The following LMOD1 variants were observed in gnomAD, a reference collection of about 807,000 sequenced individuals.
The protein encoded by LMOD1 is leiomodin 1, also known as leiomodin-1.
LMOD1 carries 8 observed loss-of-function variants against 36.5 expected under a neutral mutation model. The observed-to-expected ratio is 0.22, with a 90% CI of 0.13 to 0.40. LMOD1 has a LOEUF of 0.40. LMOD1 is among the 10% of genes least tolerant of loss of function. The pLI, the probability that LMOD1 is intolerant of heterozygous loss-of-function variation, is 1.00. For synonymous variants in LMOD1, 284 were observed against 288.7 expected (o/e 0.98, Z 0.17); for missense variants, 630 against 751.1 (o/e 0.84, Z 1.88).
intron 1 of LMOD1, among the ~76,000 whole-genome samples, chr1:201,944,206 C>T (rs886199135): frequency 1.3e-5 from 2 of 152,150 alleles, no homozygotes; most frequent in African/African-American, 4.8e-5. Context: ...GGGCTCTGTC[C>T]GCAGAACCAA....
At chr1:201,933,527 C>CTA (rs1229580960) in intron 1 of LMOD1, among the ~76,000 whole-genome samples, 38 of 126,242 alleles carry the variant, frequency 3.0e-4, no homozygotes, top group African/African-American at 9.9e-4. Context: ...CTCTCTCTCT[C>CTA]TCTCTATATA....
chr1:201,913,139 C>T (rs1391142409), intron 1 of LMOD1, among the ~76,000 whole-genome samples: 1 of 152,106 alleles, frequency 6.6e-6, no homozygotes, highest in Admixed American at 6.5e-5. Context: ...GGACTGACAG[C>T]CATTTTATTG....
chr1:201,921,682 CG>C (rs1213749554), intron 1 of LMOD1, among the ~76,000 whole-genome samples: 10 of 151,246 alleles, frequency 6.6e-5, no homozygotes, highest in Non-Finnish European at 1.5e-4. Context: ...GCATTATGGC[CG>C]GATGCAGTGG....
Position 201,946,354 on chromosome 1 carries a change from G to A in LMOD1, c.-14C>T, listed in dbSNP as rs2102935176. 6.2e-7 allele frequency: 1 copy of A among 1,611,472 alleles called. No homozygotes were observed. ...TACTCTAGACATCTTGGCAAAATGGGCTGTGGCTGCCAGGGGCTATCAGAG... is the reference window on the plus strand; with the variant it reads ...TACTCTAGACATCTTGGCAAAATGGACTGTGGCTGCCAGGGGCTATCAGAG... On this transcript the variant is annotated 5_prime_UTR_variant, in exon 1 of 3. Coordinates refer to ENST00000367288, the MANE Select transcript of LMOD1 (RefSeq NM_012134.3).
chr1:201,945,118 C>T (rs937082540), intron 1 of LMOD1, among the ~76,000 whole-genome samples: 2 of 152,194 alleles, frequency 1.3e-5, no homozygotes, highest in African/African-American at 4.8e-5. Flanking sequence ...TCCTATGCAA[C>T]ACTCTTTCCC....
intron 1 of LMOD1, among the ~76,000 whole-genome samples, chr1:201,940,499 T>C (rs1422362035): frequency 2.0e-5 from 3 of 151,832 alleles, no homozygotes; most frequent in East Asian, 1.9e-4. Flanking sequence ...CAAGCTCTTA[T>C]ACCTACTGTC....
intron 1 of LMOD1, among the ~76,000 whole-genome samples, chr1:201,901,547 T>C (rs182899273): frequency 0.49 from 21,517 of 43,742 alleles, 5,244 homozygotes; most frequent in South Asian, 0.53. Context: ...TATATATATA[T>C]ATATACATAT....
At chr1:201,917,246 C>T (rs190684980) in intron 1 of LMOD1, among the ~76,000 whole-genome samples, 5 of 152,242 alleles carry the variant, frequency 3.3e-5, no homozygotes, top group African/African-American at 1.2e-4. Flanking sequence ...GGTGGCCTGA[C>T]CTCAAAAGCC....
chr1:201,902,229 T>A (rs1299516451), intron 1 of LMOD1, among the ~76,000 whole-genome samples: 1 of 152,098 alleles, frequency 6.6e-6, no homozygotes, highest in African/African-American at 2.4e-5. Context: ...ATTCACAGTA[T>A]TGTCCTTATT....
intron 1 of LMOD1, among the ~76,000 whole-genome samples, chr1:201,901,519 T>TATATATATATATGTATATATATATAC (rs1681302710): frequency 7.7e-5 from 5 of 65,070 alleles, no homozygotes; most frequent in Non-Finnish European, 2.7e-5. Context: ...AAAATATATA[T>TATATATATATATGTATATATATATAC]ATATATATAT....
chr1:201,907,609 G>T (rs1233049681), intron 1 of LMOD1, among the ~76,000 whole-genome samples: 2 of 152,222 alleles, frequency 1.3e-5, no homozygotes, highest in African/African-American at 4.8e-5. Flanking sequence ...AGCTGGGAAG[G>T]GATGAGGCTG....
chr1:201,908,844 G>A (rs1238433824), intron 1 of LMOD1, among the ~76,000 whole-genome samples: 1 of 152,202 alleles, frequency 6.6e-6, no homozygotes, highest in African/African-American at 2.4e-5. Flanking sequence ...GCCCCAGCAT[G>A]GCCCCTCAAC....
In LMOD1 at chr1:201,897,960, C is replaced by T. The variant is rs190449300; in HGVS notation, c.*412G>A. Reference sequence around the variant, plus strand: ...AGTGCCACTGGCCCAGCAGCTTTGCCCCGTGGGCTCCTCAGAGGCCTGAAT... The same window carrying T: ...AGTGCCACTGGCCCAGCAGCTTTGCTCCGTGGGCTCCTCAGAGGCCTGAAT... On this transcript the variant is annotated 3_prime_UTR_variant, in exon 3 of 3. Transcript: ENST00000367288. 5.4e-4 allele frequency: 98 copies of T among 182,532 alleles called. 1 individual carries two copies. Among genetic ancestry groups the T allele is most frequent in the African/African-American group, 2.3e-3 (96 of 42,506 alleles). The allele number at this position is 182,532 out of a possible 1,614,324, so 11.3% of individuals were successfully genotyped here. A position where few individuals can be genotyped will look rare whatever the true frequency, so the allele number is the denominator to read the frequency against.
chr1:201,916,568 A>G (rs1466681600), intron 1 of LMOD1, among the ~76,000 whole-genome samples: 1 of 137,054 alleles, frequency 7.3e-6, no homozygotes, highest in Non-Finnish European at 1.7e-5. Flanking sequence ...TGTTTTATGA[A>G]AAAGAAACAA....
At chr1:201,935,911 G>A (rs1007691274) in intron 1 of LMOD1, among the ~76,000 whole-genome samples, 2 of 150,358 alleles carry the variant, frequency 1.3e-5, no homozygotes, top group East Asian at 2.1e-4. Context: ...TCATGAGTTC[G>A]AGACCATCCT....
chr1:201,927,787 CT>C (rs1362177639), intron 1 of LMOD1, among the ~76,000 whole-genome samples: 2 of 152,068 alleles, frequency 1.3e-5, no homozygotes, highest in Non-Finnish European at 2.9e-5. Flanking sequence ...AATTTAAGCC[CT>C]TACTGCCCTA....
intron 1 of LMOD1, among the ~76,000 whole-genome samples, chr1:201,928,165 A>G (rs572960565): frequency 1.3e-5 from 2 of 152,218 alleles, no homozygotes; most frequent in Non-Finnish European, 2.9e-5. Context: ...CTTCAAAACC[A>G]TGAGCAAAAT....
intron 1 of LMOD1, among the ~76,000 whole-genome samples, chr1:201,901,534 A>ATATATATATATATACACATATATATATG (rs1681305746): frequency 1.6e-4 from 5 of 31,798 alleles, no homozygotes; most frequent in African/African-American, 6.1e-4. Flanking sequence ...ATATATGTAT[A>ATATATATATATATACACATATATATATG]TATATATATA....
chr1:201,906,127 G>A (rs1308772434), intron 1 of LMOD1, among the ~76,000 whole-genome samples: 1 of 152,114 alleles, frequency 6.6e-6, no homozygotes, highest in East Asian at 1.9e-4. Context: ...TCTAGGCCTT[G>A]GCTAAAGTCC....
Sources: gnomAD v4.1 joint callset for allele counts (sites outside exome capture counted in the v4.1 genomes callset) on GRCh38, gnomAD v4.1.1 for gene constraint, MANE v1.5 for transcripts, NCBI Gene and HGNC (gene_info 2026-07-23, HGNC 2026-07-21) for gene names.